The following SNX13 variants were observed in gnomAD, a reference collection of about 807,000 sequenced individuals.
The protein encoded by SNX13 is sorting nexin-13.
SNX13 carries 45 observed loss-of-function variants against 133.6 expected under a neutral mutation model. That is an observed-to-expected ratio of 0.34 (90% CI 0.27 to 0.43). The LOEUF is 0.43. Ranked by LOEUF, SNX13 falls within the 20% of genes least tolerant of loss-of-function variation. The probability of loss-of-function intolerance (pLI) is 1.00; values close to 1 mark genes in which losing one functional copy is unlikely to be tolerated. For synonymous variants in SNX13, 414 were observed against 373.9 expected (o/e 1.11, Z -1.24); for missense variants, 1,032 against 1,145.1 (o/e 0.90, Z 1.43).
At chr7:17,883,339 A>G (rs1472142802) in intron 5 of SNX13, among the ~76,000 whole-genome samples, 1 of 152,208 alleles carries the variant, frequency 6.6e-6, no homozygotes, top group Non-Finnish European at 1.5e-5. Flanking sequence ...AGGAAAAAAC[A>G]TAACATGGGG....
chr7:17,888,873 G>A, intron 5 of SNX13: 1 of 354,060 alleles, frequency 2.8e-6, no homozygotes. Flanking sequence ...AAAGACACTT[G>A]CTCACAGTCC....
chr7:17,810,380 A>G (rs1427897853), intron 20 of SNX13, among the ~76,000 whole-genome samples: 1 of 152,198 alleles, frequency 6.6e-6, no homozygotes, highest in Non-Finnish European at 1.5e-5. Context: ...AGAAACAGAA[A>G]AATTCCTAGA....
chr7:17,858,603 C>G (rs1792224432), intron 9 of SNX13, among the ~76,000 whole-genome samples: 1 of 151,894 alleles, frequency 6.6e-6, no homozygotes, highest in Non-Finnish European at 1.5e-5. Flanking sequence ...AGTTAAAATT[C>G]TAATAGGTTT....
At chr7:17,837,655 C>T (rs1329627203) in intron 13 of SNX13, among the ~76,000 whole-genome samples, 1 of 151,906 alleles carries the variant, frequency 6.6e-6, no homozygotes, top group African/African-American at 2.4e-5. Flanking sequence ...CTACAATGCT[C>T]ATTTTTAAAT....
chr7:17,845,028 A>C (rs2128320530), intron 12 of SNX13, among the ~76,000 whole-genome samples: 1 of 152,260 alleles, frequency 6.6e-6, no homozygotes, highest in Non-Finnish European at 1.5e-5. Flanking sequence ...GATCAGGAAC[A>C]AGACAAAGAT....
intron 5 of SNX13, among the ~76,000 whole-genome samples, chr7:17,884,758 C>A (rs1450738896): frequency 6.6e-6 from 1 of 152,066 alleles, no homozygotes; most frequent in Non-Finnish European, 1.5e-5. Flanking sequence ...GACCAATAAG[C>A]ACATGAAAAG....
At chr7:17,873,001 G>C (rs1361011896) in intron 8 of SNX13, among the ~76,000 whole-genome samples, 4 of 152,142 alleles carry the variant, frequency 2.6e-5, no homozygotes, top group Admixed American at 2.6e-4. Flanking sequence ...TAACTGTACA[G>C]TTTTTAAAGT....
At chr7:17,895,740 G>C (rs900624669) in intron 2 of SNX13, among the ~76,000 whole-genome samples, 1 of 152,032 alleles carries the variant, frequency 6.6e-6, no homozygotes, top group African/African-American at 2.4e-5. Flanking sequence ...GCAGGATCTG[G>C]TTTTATTAAA....
chr7:17,930,510 T>C (rs1801277144), intron 1 of SNX13, among the ~76,000 whole-genome samples: 1 of 152,208 alleles, frequency 6.6e-6, no homozygotes, highest in South Asian at 2.1e-4. Flanking sequence ...TAGTGCCTAT[T>C]ATATGATTGA....
Position 17,821,665 on chromosome 7 carries a change from G to A in SNX13, c.1706-17C>T, listed in dbSNP as rs372276122. The stretch of plus-strand genomic sequence containing the variant: ...TACAAACGCCTGCCACAGCATATGG[G>A]TCATAGTCAGCATATACTAATCATT... On this transcript the variant is annotated splice_polypyrimidine_tract_variant and intron_variant, in intron 17 of 25. Coordinates refer to ENST00000428135, the MANE Select transcript of SNX13 (RefSeq NM_015132.5). 28 of 1,610,676 alleles carry A rather than the reference G, an allele frequency of 1.7e-5. No individual in the cohort carries two copies. The African/African-American group carries it at 1.7e-4, about 10-fold the overall frequency.
chr7:17,878,611 C>G (rs1481632810), intron 5 of SNX13, among the ~76,000 whole-genome samples: 1 of 152,144 alleles, frequency 6.6e-6, no homozygotes, highest in African/African-American at 2.4e-5. Flanking sequence ...TTACAGGTCT[C>G]CCACATCCAC....
chr7:17,858,726 A>G (rs1406779545), intron 9 of SNX13, among the ~76,000 whole-genome samples: 1 of 152,164 alleles, frequency 6.6e-6, no homozygotes, highest in African/African-American at 2.4e-5. Flanking sequence ...ATTACGATAA[A>G]GCTAAAGTAA....
intron 9 of SNX13, among the ~76,000 whole-genome samples, chr7:17,852,199 C>A (rs1191782710): frequency 6.6e-6 from 1 of 152,126 alleles, no homozygotes; most frequent in Non-Finnish European, 1.5e-5. Context: ...CATGGTGAAA[C>A]CCCGTCTCTA....
chr7:17,833,777 T>C (rs1176292454), intron 15 of SNX13, among the ~76,000 whole-genome samples: 1 of 151,722 alleles, frequency 6.6e-6, no homozygotes, highest in Non-Finnish European at 1.5e-5. Flanking sequence ...AAAGGGAAAC[T>C]GCCATAAAAA....
chr7:17,803,363 C>G, intron 21 of SNX13, 56 bp downstream of exon 21: 1 of 1,460,508 alleles, frequency 6.8e-7, no homozygotes, highest in South Asian at 1.4e-5. Flanking sequence ...GAATTCAATA[C>G]ATCTTATTGA....
chr7:17,814,180 T>A (rs2128297110), intron 20 of SNX13, among the ~76,000 whole-genome samples: 1 of 152,260 alleles, frequency 6.6e-6, no homozygotes, highest in Admixed American at 6.5e-5. Flanking sequence ...ATTGCATGAT[T>A]CACATAATGC....
chr7:17,901,307 T>A (rs1797806672), intron 1 of SNX13, among the ~76,000 whole-genome samples: 1 of 152,078 alleles, frequency 6.6e-6, no homozygotes, highest in Non-Finnish European at 1.5e-5. Flanking sequence ...GTGCAAGTGC[T>A]CTCTTCGTCG....
intron 15 of SNX13, chr7:17,832,444 C>T: frequency 1.0e-6 from 1 of 984,492 alleles, no homozygotes; most frequent in East Asian, 1.1e-4. Context: ...TTGGTTATGA[C>T]TTTGTCTTCT....
At position 17,814,952 on chromosome 7, in the gene SNX13, G is replaced by A. The variant is rs200319037; in HGVS notation, c.1954-8C>T. ...TTCAGGAGCTAACAGTAACTAACAAGAAAAAAAAAAAAAAGAAGAGATTAT... is the reference window on the plus strand; with the variant it reads ...TTCAGGAGCTAACAGTAACTAACAAAAAAAAAAAAAAAAAGAAGAGATTAT... On this transcript the variant is annotated splice_polypyrimidine_tract_variant and splice_region_variant and intron_variant, in intron 19 of 25. Coordinates refer to ENST00000428135, the MANE Select transcript of SNX13 (RefSeq NM_015132.5). The A allele has an allele frequency of 3.4e-3, 4,144 of 1,221,952 alleles. No homozygotes were observed. Among genetic ancestry groups the A allele is most frequent in the South Asian group, 0.016 (705 of 44,914 alleles). 75.7% of individuals were successfully genotyped at this position (1,221,952 alleles called of 1,614,324 possible).
Sources: allele counts gnomAD v4.1 joint callset (sites outside exome capture counted in the v4.1 genomes callset), GRCh38; gene constraint gnomAD v4.1.1; transcripts MANE v1.5; gene names NCBI Gene and HGNC (gene_info 2026-07-23, HGNC 2026-07-21).